The following NCKAP5 variants were observed in gnomAD, a reference collection of about 807,000 sequenced individuals.
The protein encoded by NCKAP5 is NCK associated protein 5, also known as nck-associated protein 5.
A neutral mutation model predicts 167.0 loss-of-function variants in NCKAP5; 92 were observed. The ratio of observed to expected loss-of-function variants is 0.55; its 90% CI spans 0.47 to 0.66. The LOEUF (loss-of-function observed/expected upper bound fraction) is 0.66, where lower values mean the gene tolerates loss of function less well. NCKAP5 is among the 30% of genes least tolerant of loss of function. The pLI, the probability that NCKAP5 is intolerant of heterozygous loss-of-function variation, is 0.00. For missense variants in NCKAP5, 2,378 were observed against 2,315.0 expected, an observed-to-expected ratio of 1.03 and a Z score of -0.56; for synonymous variants, 891 against 877.4, an observed-to-expected ratio of 1.02 and a Z score of -0.27.
At chr2:133,505,103 G>T (rs1682885666) in intron 3 of NCKAP5, among the ~76,000 whole-genome samples, 1 of 152,142 alleles carries the variant, frequency 6.6e-6, no homozygotes, top group Non-Finnish European at 1.5e-5. Context: ...GAAGACTATG[G>T]GCACTTCTGG....
chr2:132,801,970 G>A lies in NCKAP5; in HGVS notation c.808-5241C>T, dbSNP rs560586170. ...CCTTTGGCTATTTAGTAGAGACGGG[G>A]TTTCACCATGTTGGCCAGGCTGGTC... On this transcript the variant is annotated intron_variant, in intron 11 of 19. Coordinates refer to ENST00000409261, the MANE Select transcript of NCKAP5 (RefSeq NM_207363.3). 6.6e-5 allele frequency among the ~76,000 whole-genome samples: 10 copies of A among 152,238 alleles called. No individual in the cohort carries two copies. In the South Asian group the frequency reaches 2.1e-3, roughly 32 times the overall value.
chr2:132,991,874 C>T (rs1177749733), intron 7 of NCKAP5, among the ~76,000 whole-genome samples: 1 of 152,178 alleles, frequency 6.6e-6, no homozygotes, highest in African/African-American at 2.4e-5. Context: ...CTATGTGCTC[C>T]ACTAGTATCA....
chr2:133,108,657 G>A (rs1049201982), intron 6 of NCKAP5, among the ~76,000 whole-genome samples: 2 of 152,142 alleles, frequency 1.3e-5, no homozygotes, highest in East Asian at 1.9e-4. Flanking sequence ...CATCCTTCAT[G>A]AGTGAAACTT....
chr2:133,285,999 CTT>C (rs555131855), intron 4 of NCKAP5, among the ~76,000 whole-genome samples: 43 of 144,046 alleles, frequency 3.0e-4, no homozygotes, highest in Admixed American at 1.7e-3. Context: ...TCTGTGACTT[CTT>C]TTTTTTTTTT....
In NCKAP5 at chr2:133,412,182, C is replaced by G. The variant is rs142533099; in HGVS notation, c.69+105276G>C. Among the ~76,000 whole-genome samples, 171 of 152,212 alleles carry G rather than the reference C, an allele frequency of 1.1e-3. 4 individuals are homozygous for G. The East Asian group carries it at 0.027, about 24-fold the overall frequency. ...AGGTGATTAGCTCGCGAGGATAGAG[C>G]CCTCATGAATGGGTTTAGTGTCCTT... On this transcript the variant is annotated intron_variant, in intron 3 of 19. Transcript: ENST00000409261.
intron 4 of NCKAP5, among the ~76,000 whole-genome samples, chr2:133,287,548 T>C (rs149079484): frequency 1.2e-4 from 18 of 152,246 alleles, no homozygotes; most frequent in African/African-American, 3.9e-4. Flanking sequence ...TCGATCAATG[T>C]GTGTTAGCTA....
chr2:133,320,884 C>T (rs1431152433), intron 3 of NCKAP5, among the ~76,000 whole-genome samples: 2 of 152,190 alleles, frequency 1.3e-5, no homozygotes, highest in Non-Finnish European at 2.9e-5. Flanking sequence ...GAGTTGGTCA[C>T]TCTACCACAA....
In NCKAP5 at chr2:133,091,788, G is replaced by A. The variant is rs1574002765; in HGVS notation, c.341+38190C>T. Among the ~76,000 whole-genome samples the A allele has an allele frequency of 2.6e-5, 4 of 152,148 alleles. No homozygotes were observed. In the South Asian group the frequency reaches 8.3e-4, roughly 32 times the overall value. ...TGTAGTCCCAGCTACTCGGGAGGCT[G>A]AGGCAGGAGAATGGTGTGAACCTGG... On this transcript the variant is annotated intron_variant, in intron 6 of 19. Transcript: ENST00000409261.
chr2:132,724,557 A>T (rs1404748360), intron 19 of NCKAP5, among the ~76,000 whole-genome samples: 1 of 152,078 alleles, frequency 6.6e-6, no homozygotes, highest in African/African-American at 2.4e-5. Context: ...AGGCATCTTC[A>T]TTGGGCGAGC....
the NCKAP5 span, among the ~76,000 whole-genome samples, chr2:133,646,453 G>GA: frequency 1.1e-4 from 16 of 151,336 alleles, no homozygotes; most frequent in South Asian, 4.2e-4. Context: ...AGTACTGAAA[G>GA]AAAAAAAACA....
At chr2:133,579,762 T>G in the NCKAP5 span, among the ~76,000 whole-genome samples, 1 of 152,198 alleles carries the variant, frequency 6.6e-6, no homozygotes, top group Non-Finnish European at 1.5e-5. Context: ...AATATTTCGA[T>G]GACATTCCTT....
At chr2:133,033,766 C>G (rs1204777973) in intron 6 of NCKAP5, among the ~76,000 whole-genome samples, 1 of 151,530 alleles carries the variant, frequency 6.6e-6, no homozygotes, top group Non-Finnish European at 1.5e-5. Flanking sequence ...ATTGGTCAAG[C>G]AGAAGAAAGA....
At position 132,858,270 on chromosome 2, in the gene NCKAP5, A is replaced by T. The variant is rs368595427; in HGVS notation, c.807+2222T>A. ...ACATCCTCAGACATACTGGGCTGGA[A>T]CACATGACTGTGTAGTGCCTCAACA... is the stretch of plus-strand genomic sequence containing the variant. On this transcript the variant is annotated intron_variant, in intron 11 of 19. Coordinates refer to ENST00000409261, the MANE Select transcript of NCKAP5 (RefSeq NM_207363.3). 8.5e-4 allele frequency among the ~76,000 whole-genome samples: 130 copies of T among 152,330 alleles called. 2 individuals carry two copies. The South Asian group carries it at 0.026, about 31-fold the overall frequency.
At chr2:133,309,152 TC>T (rs1475209084) in intron 3 of NCKAP5, among the ~76,000 whole-genome samples, 4 of 152,190 alleles carry the variant, frequency 2.6e-5, no homozygotes, top group Admixed American at 1.3e-4. Context: ...AAAAGTAATA[TC>T]CTACAGTAAA....
intron 3 of NCKAP5, among the ~76,000 whole-genome samples, chr2:133,320,660 G>A (rs371702293): frequency 1.3e-5 from 2 of 150,452 alleles, no homozygotes; most frequent in Non-Finnish European, 3.0e-5. Flanking sequence ...CCCGGAAGGC[G>A]GAGCTTGCAG....
At chr2:133,446,888 A>G (rs1245640881) in intron 3 of NCKAP5, among the ~76,000 whole-genome samples, 2 of 152,104 alleles carry the variant, frequency 1.3e-5, no homozygotes, top group Non-Finnish European at 2.9e-5. Flanking sequence ...TGAAGTGCCC[A>G]TATTTAGTGG....
At chr2:133,130,241 G>A in intron 5 of NCKAP5, 130 bp from the exon 6 acceptor site, 1 of 980,730 alleles carries the variant, frequency 1.0e-6, no homozygotes, top group South Asian at 1.9e-5. Context: ...CCACGAAGTA[G>A]GTCCTATTCT....
chr2:133,583,306 G>A, the NCKAP5 span, among the ~76,000 whole-genome samples: 2 of 152,026 alleles, frequency 1.3e-5, no homozygotes, highest in African/African-American at 4.8e-5. Context: ...CCTTGGTGGT[G>A]GGTGAGTTCT....
intron 4 of NCKAP5, among the ~76,000 whole-genome samples, chr2:133,258,409 T>G (rs1274983696): frequency 6.6e-6 from 1 of 152,160 alleles, no homozygotes; most frequent in Non-Finnish European, 1.5e-5. Context: ...TTTCCTAAGA[T>G]AGCCTCTACA....
Sources: allele counts gnomAD v4.1 joint callset (sites outside exome capture counted in the v4.1 genomes callset), GRCh38; gene constraint gnomAD v4.1.1; transcripts MANE v1.5; gene names NCBI Gene and HGNC (gene_info 2026-07-23, HGNC 2026-07-21).